CIT: variants seen among roughly 807,000 people sequenced by gnomAD.
The protein encoded by CIT is citron rho-interacting serine/threonine kinase, also known as citron Rho-interacting kinase.
Under a neutral mutation model 272.7 loss-of-function variants are expected in CIT, and 79 were observed. The ratio of observed to expected loss-of-function variants is 0.29; its 90% CI spans 0.24 to 0.35. The LOEUF is 0.35. CIT is among the 10% of genes least tolerant of loss of function. The pLI is 1.00. For missense variants in CIT, 1,909 were observed against 2,618.3 expected (o/e 0.73, Z 5.91); for synonymous variants, 948 against 995.6 (o/e 0.95, Z 0.90).
intron 22 of CIT, among the ~76,000 whole-genome samples, chr12:119,756,586 T>C (rs904396329): frequency 6.6e-6 from 1 of 151,700 alleles, no homozygotes; most frequent in Non-Finnish European, 1.5e-5. Flanking sequence ...GGGGAGGGGG[T>C]TGCAGGGAGA....
intron 28 of CIT, 60 bp from the exon 29 acceptor site, chr12:119,721,509 T>C: frequency 4.1e-6 from 6 of 1,447,222 alleles, no homozygotes; most frequent in Non-Finnish European, 5.6e-6. Context: ...TTTGTTCCCC[T>C]GCTGTTCCTA....
rs1239472445 is a variant in CIT at position 119,745,208 on chromosome 12, TAA to T, written c.2905-2746_2905-2745del. ...AAGTCCAATAATAAAAAGAAAATCT[TAA>T]AAAAAAAAAAAACAGCCAGAGAAAA... On this transcript the variant is annotated intron_variant, in intron 23 of 47. Transcript: ENST00000392521. 5.2e-3 allele frequency among the ~76,000 whole-genome samples: 568 copies of T among 108,408 alleles called. 1 individual carries two copies. Among genetic ancestry groups the T allele is most frequent in the African/African-American group, 0.018 (546 of 29,912 alleles). The allele number at this position is 108,408 out of a possible 152,430, so 71.1% of individuals were successfully genotyped here. A position where few individuals can be genotyped will look rare whatever the true frequency, so the allele number is the denominator to read the frequency against.
At chr12:119,824,831 C>T (rs530831441) in intron 8 of CIT, among the ~76,000 whole-genome samples, 2 of 152,200 alleles carry the variant, frequency 1.3e-5, no homozygotes, top group East Asian at 1.9e-4. Context: ...AGTCTCACTC[C>T]GTTGCCCAGG....
chr12:119,729,311 C>G (rs1348546321), intron 27 of CIT, among the ~76,000 whole-genome samples: 1 of 152,144 alleles, frequency 6.6e-6, no homozygotes, highest in Non-Finnish European at 1.5e-5. Context: ...GAGCTCTGGC[C>G]TTAAACCTAA....
chr12:119,818,301 G>A (rs1200353648), intron 9 of CIT, among the ~76,000 whole-genome samples: 2 of 151,512 alleles, frequency 1.3e-5, no homozygotes, highest in African/African-American at 2.4e-5. Flanking sequence ...CATACTAAAG[G>A]ACTAGAAAAA....
chr12:119,873,467 G>A (rs572072586), intron 2 of CIT, among the ~76,000 whole-genome samples: 2 of 151,470 alleles, frequency 1.3e-5, no homozygotes, highest in South Asian at 2.1e-4. Context: ...TAGTAGAAAC[G>A]GAGGGGCTCA....
At chr12:119,776,611 T>C in intron 14 of CIT, 61 bp downstream of exon 14, 1 of 1,509,278 alleles carries the variant, frequency 6.6e-7, no homozygotes, top group Non-Finnish European at 9.0e-7. Context: ...TTCTCCTTTT[T>C]CTTGCTAAGA....
intron 12 of CIT, 188 bp downstream of exon 12, chr12:119,783,720 C>T: frequency 1.6e-6 from 1 of 609,546 alleles, no homozygotes; most frequent in South Asian, 3.6e-5. Context: ...AGTCCAATCT[C>T]ATTTCTTGGG....
chr12:119,752,260 G>GAA lies in CIT; in HGVS notation c.2707-14_2707-13insTT, dbSNP rs1960364353. ...GCTCTAGACTGACCTGAGACAGAGA[G>GAA]AGAGAGAGAAAGAGAGATAAACCCT... On this transcript the variant is annotated splice_polypyrimidine_tract_variant and intron_variant, in intron 22 of 47. Coordinates refer to ENST00000392521, the MANE Select transcript of CIT (RefSeq NM_001206999.2). 6.3e-7 allele frequency: 1 copy of GAA among 1,589,302 alleles called. No homozygotes were observed. Among genetic ancestry groups the GAA allele is most frequent in the Admixed American group, 1.7e-5 (1 of 58,632 alleles).
At chr12:119,746,966 C>A (rs1018721126) in intron 23 of CIT, among the ~76,000 whole-genome samples, 5 of 152,134 alleles carry the variant, frequency 3.3e-5, no homozygotes, top group African/African-American at 1.2e-4. Flanking sequence ...ATAAAGACAG[C>A]AAAACGCATA....
intron 5 of CIT, among the ~76,000 whole-genome samples, chr12:119,839,332 A>G (rs1364181738): frequency 6.6e-6 from 1 of 152,198 alleles, no homozygotes; most frequent in Non-Finnish European, 1.5e-5. Flanking sequence ...ATTCCAATTC[A>G]CATAGGGCAT....
chr12:119,834,456 GCA>G (rs1968859771), intron 5 of CIT, among the ~76,000 whole-genome samples: 1 of 152,296 alleles, frequency 6.6e-6, no homozygotes, highest in South Asian at 2.1e-4. Context: ...CAGACACCAT[GCA>G]CAGTGTTTGC....
At chr12:119,767,216 G>A (rs761916474) in intron 18 of CIT, 34 bp from the exon 19 acceptor site, 1 of 1,542,332 alleles carries the variant, frequency 6.5e-7, no homozygotes, top group Admixed American at 1.8e-5. Context: ...CAGGTGTGCA[G>A]AGGGCAGGAC....
intron 5 of CIT, among the ~76,000 whole-genome samples, chr12:119,842,759 A>G (rs910594968): frequency 6.6e-6 from 1 of 152,206 alleles, no homozygotes; most frequent in African/African-American, 2.4e-5. Context: ...AATTTTGAAA[A>G]TCTCACTGAG....
At chr12:119,864,744 A>G (rs1950467599) in intron 3 of CIT, among the ~76,000 whole-genome samples, 1 of 152,250 alleles carries the variant, frequency 6.6e-6, no homozygotes, top group African/African-American at 2.4e-5. Flanking sequence ...TCATTCAACA[A>G]GTATTTACTA....
chr12:119,770,234 G>T lies in CIT; in HGVS notation c.2208+551C>A, dbSNP rs1282341701. On this transcript the variant is annotated intron_variant, in intron 18 of 47. Transcript: ENST00000392521. The surrounding 1 kb of genome is among the most constrained non-coding windows in gnomAD (Gnocchi z 4.4). ...AGGATGACTACAGACCCTAAAAAAA[G>T]ACCTGCTATATCTAAGGAAATTGAA... Among the ~76,000 whole-genome samples, 2 of 152,126 alleles carry T rather than the reference G, an allele frequency of 1.3e-5. No homozygotes were observed. The highest frequency in any genetic ancestry group is 2.9e-5 in the Non-Finnish European group (2 of 68,016).
chr12:119,750,270 C>T lies in CIT; in HGVS notation c.2904+1780G>A, dbSNP rs375422639. Among the ~76,000 whole-genome samples, 4 of 152,324 alleles carry T rather than the reference C, an allele frequency of 2.6e-5. No homozygotes were observed. In the East Asian group the frequency reaches 7.7e-4, roughly 29 times the overall value. On this transcript the variant is annotated intron_variant, in intron 23 of 47. Transcript: ENST00000392521. ...TCTCCACCCACCCAACTCCCAACTC[C>T]AGCAAGTCTATAAGCCTTCTTGGCA...
intron 32 of CIT, among the ~76,000 whole-genome samples, chr12:119,715,529 T>A (rs926648617): frequency 1.3e-5 from 2 of 150,636 alleles, no homozygotes; most frequent in Non-Finnish European, 3.0e-5. Context: ...AGAACATTAG[T>A]GGAAGGAGAA....
intron 9 of CIT, among the ~76,000 whole-genome samples, chr12:119,816,931 G>T (rs1967240799): frequency 6.6e-6 from 1 of 152,168 alleles, no homozygotes; most frequent in Non-Finnish European, 1.5e-5. Context: ...TCAACATCCT[G>T]CAATTCACAC....
Sources: allele counts gnomAD v4.1 joint callset (sites outside exome capture counted in the v4.1 genomes callset), GRCh38; gene constraint gnomAD v4.1.1; non-coding constraint Gnocchi (gnomAD v3.1); transcripts MANE v1.5; gene names NCBI Gene and HGNC (gene_info 2026-07-23, HGNC 2026-07-21).